Variants in SZT2 observed in about 807,000 individuals in gnomAD.
SZT2 encodes SZT2 subunit of KICSTOR complex.
SZT2 carries 216 observed loss-of-function variants against 404.2 expected under a neutral mutation model. The ratio of observed to expected loss-of-function variants is 0.53; its 90% CI spans 0.48 to 0.60. The LOEUF (loss-of-function observed/expected upper bound fraction) is 0.60, where lower values mean the gene tolerates loss of function less well. SZT2 is among the 20% of genes least tolerant of loss of function. The pLI is 0.00. For synonymous variants in SZT2, 1,693 were observed against 1,749.9 expected (o/e 0.97, Z 0.81); for missense variants, 3,857 against 4,459.2 (o/e 0.86, Z 3.85).
At position 43,425,195 on chromosome 1, in the gene SZT2, C is replaced by G; in HGVS notation, c.2633C>G (p.Ser878Cys). The change falls in exon 18 of 72, where the codon TCC (serine) becomes TGC (cysteine). Residue 878 changes from serine (S) to cysteine (C), a missense_variant. By Grantham distance (112) the Ser-to-Cys change is moderately radical (BLOSUM62 -1). Transcript: ENST00000634258. This position sits in a 1 kb window ranked among gnomAD's most constrained non-coding sequence, Gnocchi z 4.3. ...ATCCTCTTCCCCCCACACTCTACCT[C>G]CACCAAAGACAGGTGAGACAGGCCA... ...QYILFPPHST[S>C]TKDSFSTDDD... is the part of the protein sequence containing the mutation. 1 of 1,614,166 alleles carries G rather than the reference C, an allele frequency of 6.2e-7. No homozygotes were observed. The highest frequency in any genetic ancestry group is 8.5e-7 in the Non-Finnish European group (1 of 1,180,018).
rs747352746 is a variant in SZT2, at chr1:43,426,497, C to T, written c.3173C>T (p.Ala1058Val). ...CCACTGACCCCCGTTGACCAGGCTG[C>T]CTTCTTGAGTGAGGTGCTGCGGCGG... The part of the protein sequence containing the change: ...EIPLTPVDQA[A>V]FLSEVLRRTC... The change falls in exon 22 of 72, where the codon GCC (alanine) becomes GTC (valine). Residue 1058 changes from alanine to valine, a missense_variant. Ala to Val is a moderately conservative substitution (Grantham distance 64). Coordinates refer to ENST00000634258, the MANE Select transcript of SZT2 (RefSeq NM_001365999.1). The surrounding 1 kb of genome is among the most constrained non-coding windows in gnomAD (Gnocchi z 4.9). 1 of 1,595,574 alleles carries T rather than the reference C, an allele frequency of 6.3e-7. No homozygotes were observed. The highest frequency in any genetic ancestry group is 1.1e-5 in the South Asian group (1 of 90,314).
chr1:43,432,852 G>A, intron 39 of SZT2, 53 bp downstream of exon 39: 1 of 1,605,922 alleles, frequency 6.2e-7, no homozygotes, highest in Non-Finnish European at 8.5e-7. Flanking sequence ...GGTGGGCTTA[G>A]GGCTGTACTG....
intron 62 of SZT2, 21 bp downstream of exon 62, chr1:43,443,817 C>T (rs1557597344): frequency 6.2e-7 from 1 of 1,612,454 alleles, no homozygotes; most frequent in East Asian, 2.2e-5. Context: ...CCCTGTTTTC[C>T]CTTCTGTCTT....
At chr1:43,411,971 G>T (rs1330369483) in intron 4 of SZT2, 1 of 151,774 alleles carries the variant, frequency 6.6e-6, no homozygotes, top group African/African-American at 2.4e-5. Flanking sequence ...GTAGAGACAG[G>T]GTTTTACCAT....
At chr1:43,447,211 G>C in intron 66 of SZT2, 43 bp downstream of exon 66, 1 of 1,565,658 alleles carries the variant, frequency 6.4e-7, no homozygotes, top group Non-Finnish European at 8.6e-7. Context: ...AAAAGAACAG[G>C]CCACAGGTGC....
At position 43,452,099 on chromosome 1, in the gene SZT2, TC is replaced by T. The variant is rs1656501017; in HGVS notation, c.*1621del. 1.3e-6 allele frequency: 2 copies of T among 1,508,742 alleles called. No homozygotes were observed. Among genetic ancestry groups the T allele is most frequent in the Non-Finnish European group, 1.8e-6 (2 of 1,094,638 alleles). 93.5% of individuals were successfully genotyped at this position (1,508,742 alleles called of 1,614,324 possible). On this transcript the variant is annotated 3_prime_UTR_variant, in exon 72 of 72. Transcript: ENST00000634258. ...GTCACTGGTCAAGGCCCTCACCTGT[TC>T]CTCTGACCTAGGCTGGCAGCCTCAC...
chr1:43,441,347 C>T lies in SZT2; in HGVS notation c.7478C>T (p.Ala2493Val), dbSNP rs779826702. 3.6e-5 allele frequency: 58 copies of T among 1,613,962 alleles called. No individual in the cohort carries two copies. Among genetic ancestry groups the T allele is most frequent in the African/African-American group, 5.3e-5 (4 of 74,886 alleles). ...SVRTPGGAERAPGSDSGAQRQ... is the reference protein window; with the variant it reads ...SVRTPGGAERVPGSDSGAQRQ... ...CGGACTCCTGGTGGAGCTGAGCGGGCGCCAGGCTCAGATTCTGGAGCCCAG... is the reference window on the plus strand; with the variant it reads ...CGGACTCCTGGTGGAGCTGAGCGGGTGCCAGGCTCAGATTCTGGAGCCCAG... Residue 2493 changes from alanine (A) to valine (V), a missense_variant, in exon 53 of 72, where the codon GCG (alanine) becomes GTG (valine). This residue lies in a region of SZT2 where 573 missense variants were observed against 592.4 expected (regional missense o/e 0.97). Transcript: ENST00000634258. This position sits in a 1 kb window ranked among gnomAD's most constrained non-coding sequence, Gnocchi z 4.8.
In SZT2 at chr1:43,448,048, C is replaced by T. The variant is rs768926371; in HGVS notation, c.9564-31C>T. 1 of 1,606,884 alleles carries T rather than the reference C, an allele frequency of 6.2e-7. No homozygotes were observed. The highest frequency in any genetic ancestry group is 8.5e-7 in the Non-Finnish European group (1 of 1,175,126). The stretch of plus-strand genomic sequence containing the variant: ...TGCCCTGTGTGTCTCTTGCTACAAC[C>T]ACCACTCTCCTGCCCTGCTCCCCAC... On this transcript the variant is annotated intron_variant, in intron 68 of 71. Transcript: ENST00000634258. The surrounding 1 kb of genome is among the most constrained non-coding windows in gnomAD (Gnocchi z 4.2).
chr1:43,431,983 TGTTA>T (rs1325724034), intron 36 of SZT2, 82 bp downstream of exon 36: 3 of 1,515,204 alleles, frequency 2.0e-6, no homozygotes, highest in Non-Finnish European at 1.8e-6. Context: ...GAAGGCCCTC[TGTTA>T]GTTCGAACTC....
chr1:43,406,243 A>G, intron 4 of SZT2: 2 of 325,098 alleles, frequency 6.2e-6, no homozygotes, highest in Non-Finnish European at 1.2e-5. Context: ...GCCCACTACC[A>G]CACCCGGCTA....
At position 43,439,376 on chromosome 1, in the gene SZT2, G is replaced by C; in HGVS notation, c.6811G>C (p.Gly2271Arg). The change falls in exon 49 of 72, where the codon GGT becomes CGT. Residue 2271 changes from glycine to arginine, a missense_variant. Physicochemically the swap from Gly to Arg is moderately radical, Grantham distance 125. Coordinates refer to ENST00000634258, the MANE Select transcript of SZT2 (RefSeq NM_001365999.1). This position sits in a 1 kb window ranked among gnomAD's most constrained non-coding sequence, Gnocchi z 4.2. ...TCCCCAGCATCCACTCCCACCACAG[G>C]GTGGCCTCCCTGACTTGGACATCTA... ...NHFQHPLPPQ[G>R]GLPDLDIYLY... The C allele has an allele frequency of 6.2e-7, 1 of 1,613,982 alleles. No homozygotes were observed. The highest frequency in any genetic ancestry group is 8.5e-7 in the Non-Finnish European group (1 of 1,179,960).
chr1:43,420,010 C>T lies in SZT2; in HGVS notation c.1090+66C>T. The T allele has an allele frequency of 6.3e-7, 1 of 1,578,424 alleles. No individual in the cohort carries two copies. Among genetic ancestry groups the T allele is most frequent in the Non-Finnish European group, 8.6e-7 (1 of 1,164,978 alleles). On this transcript the variant is annotated intron_variant, in intron 8 of 71. Transcript: ENST00000634258. This position sits in a 1 kb window ranked among gnomAD's most constrained non-coding sequence, Gnocchi z 5.1. ...TAGAATGGGCCCAGAGATGATGGGG[C>T]CCTGGAGGACTGAAAGTGTAACTGG...
At chr1:43,427,253 G>A (rs1236127659) in intron 24 of SZT2, 28 bp from the exon 25 acceptor site, 1 of 1,605,094 alleles carries the variant, frequency 6.2e-7, no homozygotes, top group East Asian at 2.2e-5. Context: ...CCACCAGGCA[G>A]CTCTGATTTA....
Position 43,426,547 on chromosome 1 carries a change from C to T in SZT2, c.3214+9C>T, listed in dbSNP as rs1653168004. On this transcript the variant is annotated intron_variant, in intron 22 of 71. Transcript: ENST00000634258. This position sits in a 1 kb window ranked among gnomAD's most constrained non-coding sequence, Gnocchi z 4.9. ...GACCTGCCACGTTCCAGGTGAGTTC[C>T]CCACATCCTCCTGACACCAGACCCT... The T allele has an allele frequency of 6.4e-7, 1 of 1,553,400 alleles. No homozygotes were observed. The highest frequency in any genetic ancestry group is 8.7e-7 in the Non-Finnish European group (1 of 1,153,684).
In SZT2 at chr1:43,433,027, C is replaced by T. The variant is rs1654082099; in HGVS notation, c.5641C>T (p.Pro1881Ser). ...GGSSGSDSEG[P>S]NDTLGEKAPF... ...CAGCAGTGGCTCAGACAGTGAGGGT[C>T]CCAATGACACCCTTGGTGAGAAGGC... Residue 1881 changes from proline (P) to serine (S), a missense_variant, in exon 40 of 72, where the codon CCC (proline) becomes TCC (serine). By Grantham distance (74) the Pro-to-Ser change is moderately conservative. This residue lies in a region of SZT2 where 1,725 missense variants were observed against 1,881.0 expected (regional missense o/e 0.92). Coordinates refer to ENST00000634258, the MANE Select transcript of SZT2 (RefSeq NM_001365999.1). 6.2e-7 allele frequency: 1 copy of T among 1,614,078 alleles called. No homozygotes were observed. The highest frequency in any genetic ancestry group is 8.5e-7 in the Non-Finnish European group (1 of 1,180,022).
In SZT2 at chr1:43,452,345, T is replaced by G; in HGVS notation, c.*1865T>G. 1 of 1,544,910 alleles carries G rather than the reference T, an allele frequency of 6.5e-7. No individual in the cohort carries two copies. The highest frequency in any genetic ancestry group is 1.1e-5 in the South Asian group (1 of 88,616). The stretch of plus-strand genomic sequence containing the variant: ...CTGTGGGGAAGATGGACTGGAGGCC[T>G]TGCCTCCCTTGGCTCTCTCTGCACC... On this transcript the variant is annotated 3_prime_UTR_variant, in exon 72 of 72. Transcript: ENST00000634258.
chr1:43,414,987 G>T (rs372740458), intron 4 of SZT2, 95 bp from the exon 5 acceptor site: 2 of 1,462,504 alleles, frequency 1.4e-6, no homozygotes, highest in East Asian at 4.7e-5. Context: ...AGTCAGGATC[G>T]CCTAGATGGA....
chr1:43,412,686 T>C (rs1651214891), intron 4 of SZT2: 3 of 151,856 alleles, frequency 2.0e-5, no homozygotes, highest in Admixed American at 6.6e-5. Flanking sequence ...AAGGAAACAA[T>C]AAACAAAGTG....
chr1:43,403,807 G>T lies in SZT2; in HGVS notation c.327+33G>T, dbSNP rs1356447548. On this transcript the variant is annotated intron_variant, in intron 3 of 71. Transcript: ENST00000634258. ...ATTGAAGGGAGACTGTGGGAAGAAA[G>T]GATGGGGTGGGGTGTGAGGAGAGGG... 4 of 1,607,444 alleles carry T rather than the reference G, an allele frequency of 2.5e-6. No homozygotes were observed. In the East Asian group the frequency reaches 6.7e-5, roughly 27 times the overall value.
Sources: allele counts gnomAD v4.1 joint callset, GRCh38; gene constraint gnomAD v4.1.1; regional missense constraint gnomAD v4.1.1; non-coding constraint Gnocchi (gnomAD v3.1); transcripts MANE v1.5; gene names NCBI Gene and HGNC (gene_info 2026-07-23, HGNC 2026-07-21).